Variants in ZNF268 observed in about 807,000 individuals in gnomAD.
ZNF268 encodes the protein zinc finger protein 268, also known as zinc finger protein 3.
A neutral mutation model predicts 29.3 loss-of-function variants in ZNF268; 20 were observed. That is an observed-to-expected ratio of 0.68 (90% confidence interval 0.48 to 0.99). The LOEUF (loss-of-function observed/expected upper bound fraction) is 0.99, where lower values mean the gene tolerates loss of function less well. Ranked by LOEUF, ZNF268 falls within the 50% of genes least tolerant of loss-of-function variation. The pLI is 0.00. For synonymous variants in ZNF268, 429 were observed against 376.9 expected (o/e 1.14, Z -1.60); for missense variants, 1,240 against 1,121.6 (o/e 1.11, Z -1.51).
chr12:133,210,117 T>G lies in ZNF268; in HGVS notation c.*5587T>G, dbSNP rs1956955632. On this transcript the variant is annotated 3_prime_UTR_variant, in exon 6 of 6. Transcript: ENST00000536435. ...AACAGCAAAGCTCCCTCCTCAGCAC[T>G]CAGGGTGCAGGCCTCACTTTTCCTC... The G allele has an allele frequency of 6.6e-6, 1 of 152,232 alleles. No individual in the cohort carries two copies. Among genetic ancestry groups the G allele is most frequent in the Admixed American group, 6.5e-5 (1 of 15,280 alleles). The allele number at this position is 152,232 out of a possible 1,614,324, so 9.4% of individuals were successfully genotyped here. A position where few individuals can be genotyped will look rare whatever the true frequency, so the allele number is the denominator to read the frequency against.
Position 133,188,063 on chromosome 12 carries a change from C to T in ZNF268, c.225C>T (p.Thr75=), listed in dbSNP as rs944429102. The T allele has an allele frequency of 1.9e-6, 3 of 1,586,536 alleles. No individual in the cohort carries two copies. Among genetic ancestry groups the T allele is most frequent in the Non-Finnish European group, 2.6e-6 (3 of 1,166,136 alleles). The change falls in exon 3 of 6, where the codon ACC becomes ACT. Residue 75 remains threonine (T), a synonymous_variant. Transcript: ENST00000536435. The part of the protein sequence containing the change: ...LFISQEQPKI[T]KSWGPLSFMD... ...TTTCCCAAGAGCAGCCAAAAATCAC[C>T]AAGTCCTGGGTGAGCTTCTCATTTG...
intron 2 of ZNF268, among the ~76,000 whole-genome samples, chr12:133,184,198 C>T (rs982884683): frequency 3.6e-4 from 55 of 151,874 alleles, no homozygotes; most frequent in African/African-American, 5.1e-4. Flanking sequence ...CTCTGCCTCC[C>T]GGGTTCAAGT....
chr12:133,203,290 AAGCCTTC>A lies in ZNF268; in HGVS notation c.1607_1613del (p.Ala536ValfsTer58). 1 of 1,540,110 alleles carries A rather than the reference AAGCCTTC, an allele frequency of 6.5e-7. No homozygotes were observed. Among genetic ancestry groups the A allele is most frequent in the Non-Finnish European group, 8.7e-7 (1 of 1,147,452 alleles). ...CTCCATGAATGCAACAATTGTGGGA[AAGCCTTC>A]AGTTTTAAATCACAGCTCATTATAC... On this transcript the variant is annotated frameshift_variant, in exon 6 of 6. Coordinates refer to ENST00000536435, the MANE Select transcript of ZNF268 (RefSeq NM_003415.3). LOFTEE classifies it low-confidence loss of function (END_TRUNC).
intron 2 of ZNF268, among the ~76,000 whole-genome samples, chr12:133,185,035 T>C (rs986596380): frequency 1.5e-4 from 23 of 151,490 alleles, no homozygotes; most frequent in African/African-American, 5.3e-4. Flanking sequence ...AATATGAAAA[T>C]TAGCTGGGCG....
In ZNF268 at chr12:133,203,398, T is replaced by C; in HGVS notation, c.1712T>C (p.Leu571Pro). Residue 571 changes from leucine (L) to proline (P), a missense_variant, in exon 6 of 6, where the codon CTT becomes CCT. Around this residue, in one of 3 missense-constraint regions of ZNF268, gnomAD observed 1,177 missense variants for 1,039.6 expected, o/e 1.13. Coordinates refer to ENST00000536435, the MANE Select transcript of ZNF268 (RefSeq NM_003415.3). ...CGKAFSRKYQ[L>P]ISHQRTHAGE... ...AAAGCCTTCAGTCGGAAATACCAGC[T>C]TATTTCACACCAGAGAACTCATGCA... 1 of 1,546,402 alleles carries C rather than the reference T, an allele frequency of 6.5e-7. No homozygotes were observed. Among genetic ancestry groups the C allele is most frequent in the Non-Finnish European group, 8.7e-7 (1 of 1,150,414 alleles).
intron 5 of ZNF268, 86 bp downstream of exon 5, chr12:133,192,089 C>T: frequency 8.7e-7 from 1 of 1,146,774 alleles, no homozygotes; most frequent in South Asian, 1.5e-5. Flanking sequence ...TGTACTTTGC[C>T]TCGTGTATTA....
chr12:133,202,278 C>CAAA lies in ZNF268; in HGVS notation c.595_597dup (p.Lys199dup). 1 of 1,612,484 alleles carries CAAA rather than the reference C, an allele frequency of 6.2e-7. No homozygotes were observed. The highest frequency in any genetic ancestry group is 8.5e-7 in the Non-Finnish European group (1 of 1,179,188). ...TCTTAGTACAAAGTATCTTTCAAGA[C>CAAA]AAAAACCTCATAAATGTGGCACGCA... On this transcript the variant is annotated inframe_insertion, in exon 6 of 6. Transcript: ENST00000536435.
In ZNF268 at chr12:133,203,810, G is replaced by A. The variant is rs1166139781; in HGVS notation, c.2124G>A (p.Lys708=). The A allele has an allele frequency of 6.4e-7, 1 of 1,563,308 alleles. No homozygotes were observed. The highest frequency in any genetic ancestry group is 8.6e-7 in the Non-Finnish European group (1 of 1,160,964). ...AGTGTGGGAAAGCCTTCAGGAGCAA[G>A]TCATACCTTATTATACATATGAGAA... is the stretch of plus-strand genomic sequence containing the variant. ...CSECGKAFRS[K]SYLIIHMRTH... is the part of the protein sequence containing the mutation. The change falls in exon 6 of 6, where the codon AAG becomes AAA. Residue 708 remains lysine, a synonymous_variant. Coordinates refer to ENST00000536435, the MANE Select transcript of ZNF268 (RefSeq NM_003415.3).
chr12:133,182,173 T>C (rs1310971947), intron 2 of ZNF268, 143 bp downstream of exon 2: 3 of 706,770 alleles, frequency 4.2e-6, no homozygotes, highest in Non-Finnish European at 6.9e-6. Flanking sequence ...TTATAGCATG[T>C]TAGACTTTCC....
intron 2 of ZNF268, among the ~76,000 whole-genome samples, chr12:133,187,487 GC>G (rs1475188582): frequency 6.6e-6 from 1 of 151,978 alleles, no homozygotes; most frequent in Non-Finnish European, 1.5e-5. Flanking sequence ...GTCTGTCAGA[GC>G]CTCGTTTGGT....
At position 133,202,672 on chromosome 12, in the gene ZNF268, A is replaced by G. The variant is rs1197095672; in HGVS notation, c.986A>G (p.Glu329Gly). The G allele has an allele frequency of 3.1e-6, 5 of 1,608,006 alleles. No individual in the cohort carries two copies. The highest frequency in any genetic ancestry group is 3.4e-5 in the Admixed American group (2 of 58,812). The change falls in exon 6 of 6, where the codon GAG (glutamate) becomes GGG (glycine). Residue 329 changes from glutamate (E) to glycine (G), a missense_variant. This residue lies in a region of ZNF268 where 1,177 missense variants were observed against 1,039.6 expected (regional missense o/e 1.13). Transcript: ENST00000536435. ...LIVHQRIHTG[E>G]KLHECSECRK... ...GTACATCAGAGAATTCATACAGGAG[A>G]GAAACTACATGAATGCAGTGAATGC...
At chr12:133,184,662 A>G in intron 2 of ZNF268, 1 of 439,724 alleles carries the variant, frequency 2.3e-6, no homozygotes, top group Non-Finnish European at 4.6e-6. Context: ...TCTGTCTTCC[A>G]GGCTGGAGTG....
chr12:133,183,593 A>G (rs915570870), intron 2 of ZNF268, among the ~76,000 whole-genome samples: 1 of 151,788 alleles, frequency 6.6e-6, no homozygotes, highest in Non-Finnish European at 1.5e-5. Flanking sequence ...AAAGCCAGGG[A>G]TGACAACTGG....
In ZNF268 at chr12:133,206,605, G is replaced by A. The variant is rs1031339534; in HGVS notation, c.*2075G>A. 3.3e-5 allele frequency: 5 copies of A among 152,040 alleles called. No individual in the cohort carries two copies. Among genetic ancestry groups the A allele is most frequent in the African/African-American group, 9.7e-5 (4 of 41,378 alleles). The allele number at this position is 152,040 out of a possible 1,614,324, so 9.4% of individuals were successfully genotyped here. A position where few individuals can be genotyped will look rare whatever the true frequency, so the allele number is the denominator to read the frequency against. On this transcript the variant is annotated 3_prime_UTR_variant, in exon 6 of 6. Transcript: ENST00000536435. ...TTAGGGCTATCTTGGAGGAATATGCGGATTCAATACTGCAAATATTTCTGA... is the reference window on the plus strand; with the variant it reads ...TTAGGGCTATCTTGGAGGAATATGCAGATTCAATACTGCAAATATTTCTGA...
In ZNF268 at chr12:133,204,259, A is replaced by C; in HGVS notation, c.2573A>C (p.His858Pro). Reference sequence around the variant, plus strand: ...CGCCTTCTTGTACACCAGAGAATGCACACAAGAGAGAAACCATATGAATGC... The same window carrying C: ...CGCCTTCTTGTACACCAGAGAATGCCCACAAGAGAGAAACCATATGAATGC... ...KLRLLVHQRM[H>P]TREKPYECSE... is the part of the protein sequence containing the mutation. The change falls in exon 6 of 6, where the codon CAC becomes CCC. Residue 858 changes from histidine to proline, a missense_variant. Around this residue, in one of 3 missense-constraint regions of ZNF268, gnomAD observed 1,177 missense variants for 1,039.6 expected, o/e 1.13. Coordinates refer to ENST00000536435, the MANE Select transcript of ZNF268 (RefSeq NM_003415.3). The C allele has an allele frequency of 1.9e-6, 3 of 1,548,252 alleles. No individual in the cohort carries two copies. The highest frequency in any genetic ancestry group is 2.6e-6 in the Non-Finnish European group (3 of 1,150,600).
In ZNF268 at chr12:133,182,012, C is replaced by T; in HGVS notation, c.15C>T (p.Val5=). 2 of 1,566,246 alleles carry T rather than the reference C, an allele frequency of 1.3e-6. No individual in the cohort carries two copies. Among genetic ancestry groups the T allele is most frequent in the Non-Finnish European group, 1.7e-6 (2 of 1,155,160 alleles). Residue 5 remains valine, a synonymous_variant, in exon 2 of 6, where the codon GTC becomes GTT. Coordinates refer to ENST00000536435, the MANE Select transcript of ZNF268 (RefSeq NM_003415.3). ...TGACCGTAGGGATGGCCACCAGGGT[C>T]CGGACAGCTTCTATTTGGGTGAGTA... MATR[V]RTASIWVPPL...
intron 3 of ZNF268, among the ~76,000 whole-genome samples, chr12:133,190,498 T>C (rs1428033723): frequency 5.9e-5 from 9 of 152,162 alleles, no homozygotes; most frequent in Admixed American, 5.9e-4. Flanking sequence ...TTCTAATAGG[T>C]GTGTAGTGGT....
rs1377195802 is a variant in ZNF268 at position 133,205,620 on chromosome 12, T to A, written c.*1090T>A. The A allele has an allele frequency of 6.6e-6, 1 of 152,200 alleles. No individual in the cohort carries two copies. Among genetic ancestry groups the A allele is most frequent in the Non-Finnish European group, 1.5e-5 (1 of 68,030 alleles). The allele number at this position is 152,200 out of a possible 1,614,324, so 9.4% of individuals were successfully genotyped here. A position where few individuals can be genotyped will look rare whatever the true frequency, so the allele number is the denominator to read the frequency against. On this transcript the variant is annotated 3_prime_UTR_variant, in exon 6 of 6. Transcript: ENST00000536435. Reference sequence around the variant, plus strand: ...TTACTAGAATATGACTTACTAAAAATGCATTTCCACACTGCAAACATTTTT... The same window carrying A: ...TTACTAGAATATGACTTACTAAAAAAGCATTTCCACACTGCAAACATTTTT...
intron 2 of ZNF268, among the ~76,000 whole-genome samples, chr12:133,186,683 G>A (rs1445466419): frequency 6.6e-6 from 1 of 152,000 alleles, no homozygotes; most frequent in Non-Finnish European, 1.5e-5. Context: ...CAGCCTCCAG[G>A]GAATAATCTT....
Sources: allele counts gnomAD v4.1 joint callset (sites outside exome capture counted in the v4.1 genomes callset), GRCh38; gene constraint gnomAD v4.1.1; regional missense constraint gnomAD v4.1.1; transcripts MANE v1.5; gene names NCBI Gene and HGNC (gene_info 2026-07-23, HGNC 2026-07-21).